CTIF: variants seen among roughly 807,000 people sequenced by gnomAD.
CTIF encodes the protein CBP80/20-dependent translation initiation factor.
In CTIF, 21 loss-of-function variants were observed where a neutral mutation model predicts 66.0. The observed-to-expected ratio is 0.32, with a 90% CI of 0.23 to 0.46. The LOEUF (loss-of-function observed/expected upper bound fraction) is 0.46, where lower values mean the gene tolerates loss of function less well. CTIF is among the 20% of genes least tolerant of loss of function. CTIF has a pLI of 1.00. For missense variants in CTIF, 739 were observed against 812.7 expected, an observed-to-expected ratio of 0.91 and a Z score of 1.10; for synonymous variants, 345 against 326.4, an observed-to-expected ratio of 1.06 and a Z score of -0.62.
chr18:48,637,387 T>A (rs1236435038), intron 3 of CTIF, among the ~76,000 whole-genome samples: 1 of 152,052 alleles, frequency 6.6e-6, no homozygotes, highest in African/African-American at 2.4e-5. Flanking sequence ...TGATACCTCA[T>A]CCCTGCCTGC....
intron 3 of CTIF, among the ~76,000 whole-genome samples, chr18:48,657,119 G>C (rs905563425): frequency 4.6e-5 from 7 of 152,150 alleles, no homozygotes; most frequent in Non-Finnish European, 1.0e-4. Flanking sequence ...TTTCCCAAAG[G>C]GGGTTCCATG....
At chr18:48,729,044 A>G (rs2092412866) in intron 7 of CTIF, among the ~76,000 whole-genome samples, 1 of 151,982 alleles carries the variant, frequency 6.6e-6, no homozygotes, top group South Asian at 2.1e-4. Flanking sequence ...TTCAACTTCA[A>G]ACCTCTCTAC....
chr18:48,744,854 A>G (rs1256217974), intron 7 of CTIF, among the ~76,000 whole-genome samples: 2 of 145,986 alleles, frequency 1.4e-5, no homozygotes, highest in Admixed American at 6.9e-5. Flanking sequence ...GTGGAGTCTC[A>G]CGCTGTTGCC....
At chr18:48,857,520 AG>A in intron 10 of CTIF, 67 bp from the exon 11 acceptor site, 2 of 1,439,918 alleles carry the variant, frequency 1.4e-6, no homozygotes, top group Non-Finnish European at 1.9e-6. Context: ...CGGGGGCTGC[AG>A]GGAGCTACAG....
intron 7 of CTIF, among the ~76,000 whole-genome samples, chr18:48,716,388 G>A (rs1053435722): frequency 1.5e-4 from 23 of 152,220 alleles, no homozygotes; most frequent in African/African-American, 5.5e-4. Context: ...AGGAGGTGGG[G>A]CTTGAACTAC....
intron 6 of CTIF, among the ~76,000 whole-genome samples, chr18:48,685,025 T>C (rs1208177819): frequency 1.4e-5 from 2 of 138,906 alleles, no homozygotes; most frequent in East Asian, 3.9e-4. Flanking sequence ...TTTTTGTTTG[T>C]TTGTATTTTT....
In CTIF at chr18:48,706,619, T is replaced by C. The variant is rs1300992862; in HGVS notation, c.508-5000T>C. Reference sequence around the variant, plus strand: ...AGAGCTCTGCTGGGCCTGCCCTTAATCCCTCAGAAATACCCACCACACTGG... The same window carrying C: ...AGAGCTCTGCTGGGCCTGCCCTTAACCCCTCAGAAATACCCACCACACTGG... On this transcript the variant is annotated intron_variant, in intron 6 of 11. Transcript: ENST00000256413. Among the ~76,000 whole-genome samples the C allele has an allele frequency of 1.5e-4, 23 of 152,166 alleles. 1 individual carries two copies. The highest frequency in any genetic ancestry group is 1.4e-3 in the Admixed American group (21 of 15,276).
At chr18:48,567,133 G>A (rs1332086441) in intron 1 of CTIF, 2 of 152,184 alleles carry the variant, frequency 1.3e-5, no homozygotes, top group African/African-American at 4.8e-5. Flanking sequence ...CTAGCCTTAT[G>A]ATAGCAGAAG....
At chr18:48,841,371 A>G (rs994322592) in intron 10 of CTIF, among the ~76,000 whole-genome samples, 2 of 152,164 alleles carry the variant, frequency 1.3e-5, no homozygotes, top group Admixed American at 6.5e-5. Context: ...TCCCTCTGGG[A>G]CAGCAGAGAA....
rs1909026086 is a variant in CTIF, at chr18:48,761,770, A to C, written c.1371+81A>C. 2.2e-6 allele frequency: 3 copies of C among 1,373,290 alleles called. No individual in the cohort carries two copies. Among genetic ancestry groups the C allele is most frequent in the African/African-American group, 1.4e-5 (1 of 69,482 alleles). 85.1% of individuals were successfully genotyped at this position (1,373,290 alleles called of 1,614,324 possible). ...AGTTATTCCTAGCGAGAAGGCTGCG[A>C]GTTCTGGCCACAGTTGGACTTTTCC... On this transcript the variant is annotated intron_variant, in intron 9 of 11. Coordinates refer to ENST00000256413, the MANE Select transcript of CTIF (RefSeq NM_014772.3). The surrounding 1 kb of genome is among the most constrained non-coding windows in gnomAD (Gnocchi z 4.2).
chr18:48,807,302 G>C (rs1304557621), intron 9 of CTIF, among the ~76,000 whole-genome samples: 1 of 152,102 alleles, frequency 6.6e-6, no homozygotes, highest in East Asian at 1.9e-4. Flanking sequence ...CAACCTGCCA[G>C]TTTCTTTTAA....
intron 1 of CTIF, among the ~76,000 whole-genome samples, chr18:48,553,279 T>G (rs780843401): frequency 1.3e-5 from 2 of 152,316 alleles, no homozygotes; most frequent in Middle Eastern, 6.8e-3. Flanking sequence ...GATTTCCTCC[T>G]CTAGGTGAAA....
At chr18:48,619,131 A>G (rs559196062) in intron 1 of CTIF, among the ~76,000 whole-genome samples, 14 of 152,154 alleles carry the variant, frequency 9.2e-5, no homozygotes, top group Non-Finnish European at 1.6e-4. Flanking sequence ...GTGCACCCTC[A>G]ATCTTGGTTC....
Position 48,619,576 on chromosome 18 carries a change from C to G in CTIF, c.11C>G (p.Ser4Cys). ...CCCTGAGCTGGAGGGATGGAAAACT[C>G]CTCTGCAGCATCAGCCTCCTCGGAG... MEN[S>C]SAASASSEAG... is the part of the protein sequence containing the mutation. Residue 4 changes from serine to cysteine, a missense_variant, in exon 2 of 12, where the codon TCC becomes TGC. Transcript: ENST00000256413. The G allele has an allele frequency of 6.4e-7, 1 of 1,571,652 alleles. No individual in the cohort carries two copies. Among genetic ancestry groups the G allele is most frequent in the Non-Finnish European group, 8.6e-7 (1 of 1,158,948 alleles).
intron 10 of CTIF, among the ~76,000 whole-genome samples, chr18:48,832,456 G>A (rs1261108098): frequency 6.6e-6 from 1 of 152,156 alleles, no homozygotes; most frequent in Non-Finnish European, 1.5e-5. Flanking sequence ...GAAAAGGTAG[G>A]AAAGAAGAAA....
chr18:48,854,389 G>T (rs757466107), intron 10 of CTIF, among the ~76,000 whole-genome samples: 1 of 152,146 alleles, frequency 6.6e-6, no homozygotes, highest in Non-Finnish European at 1.5e-5. Context: ...CCTTTAACCT[G>T]CATGGGAAGA....
chr18:48,735,546 GAGA>G (rs1568176169), intron 7 of CTIF, among the ~76,000 whole-genome samples: 1 of 152,196 alleles, frequency 6.6e-6, no homozygotes, highest in East Asian at 1.9e-4. Context: ...GCATGCTTGA[GAGA>G]AGGAGACTGG....
At chr18:48,652,228 G>T (rs2091168341) in intron 3 of CTIF, among the ~76,000 whole-genome samples, 2 of 152,172 alleles carry the variant, frequency 1.3e-5, no homozygotes, top group Non-Finnish European at 2.9e-5. Context: ...AAAATTGATA[G>T]ACTGCTAGCA....
chr18:48,586,432 G>A (rs530496483), intron 1 of CTIF, among the ~76,000 whole-genome samples: 17 of 152,110 alleles, frequency 1.1e-4, no homozygotes, highest in East Asian at 1.9e-4. Context: ...CACCATGCCC[G>A]GCTAATTTTC....
Sources: gnomAD v4.1 joint callset for allele counts (sites outside exome capture counted in the v4.1 genomes callset) on GRCh38, gnomAD v4.1.1 for gene constraint, Gnocchi (gnomAD v3.1) non-coding constraint, MANE v1.5 for transcripts, NCBI Gene and HGNC (gene_info 2026-07-23, HGNC 2026-07-21) for gene names.